DAB1: variants seen among roughly 807,000 people sequenced by gnomAD.
DAB1 encodes disabled homolog 1.
DAB1 carries 15 observed loss-of-function variants against 64.6 expected under a neutral mutation model. That is an observed-to-expected ratio of 0.23 (90% CI 0.16 to 0.36). The LOEUF (loss-of-function observed/expected upper bound fraction) is 0.36. DAB1 is among the 10% of genes least tolerant of loss of function. The probability of loss-of-function intolerance (pLI) is 1.00; values close to 1 mark genes in which losing one functional copy is unlikely to be tolerated. For missense variants in DAB1, 596 were observed against 706.7 expected (o/e 0.84, Z 1.78); for synonymous variants, 235 against 251.9 (o/e 0.93, Z 0.64).
intron 2 of DAB1, among the ~76,000 whole-genome samples, chr1:57,216,230 T>A (rs1666419931): frequency 6.6e-6 from 1 of 152,076 alleles, no homozygotes; most frequent in Non-Finnish European, 1.5e-5. Flanking sequence ...CCTTATCTGA[T>A]CCTTTCGGCC....
At chr1:57,046,297 G>A (rs1034769536) in intron 9 of DAB1, among the ~76,000 whole-genome samples, 7 of 152,298 alleles carry the variant, frequency 4.6e-5, no homozygotes, top group Non-Finnish European at 8.8e-5. Flanking sequence ...CCTAGTAAGC[G>A]CTCAGCAAAT....
chr1:58,174,186 A>C (rs908721077), intron 4 of DAB1, among the ~76,000 whole-genome samples: 3 of 152,174 alleles, frequency 2.0e-5, no homozygotes, highest in African/African-American at 7.2e-5. Flanking sequence ...ATGAAATGTC[A>C]CCTGGCATTT....
At chr1:57,787,066 T>C (rs1044226912) in intron 6 of DAB1, among the ~76,000 whole-genome samples, 1 of 152,144 alleles carries the variant, frequency 6.6e-6, no homozygotes, top group African/African-American at 2.4e-5. Context: ...GAAAACTCAA[T>C]ATATTAACAT....
chr1:57,922,661 T>C (rs1336938276), intron 5 of DAB1, among the ~76,000 whole-genome samples: 2 of 151,716 alleles, frequency 1.3e-5, no homozygotes, highest in African/African-American at 4.8e-5. Flanking sequence ...AGAAAAGTTT[T>C]AGTGAAACCC....
At chr1:58,494,901 C>T (rs1411845119) in intron 3 of DAB1, among the ~76,000 whole-genome samples, 4 of 152,178 alleles carry the variant, frequency 2.6e-5, no homozygotes, top group Admixed American at 2.0e-4. Context: ...CCATTTGACC[C>T]AGCCATCGCA....
chr1:57,459,662 G>C (rs568225091), intron 7 of DAB1, among the ~76,000 whole-genome samples: 3 of 152,050 alleles, frequency 2.0e-5, no homozygotes, highest in Non-Finnish European at 4.4e-5. Flanking sequence ...ATTTACAGAG[G>C]AAGAAACAGA....
intron 9 of DAB1, among the ~76,000 whole-genome samples, chr1:57,048,528 C>A (rs964792959): frequency 6.6e-6 from 1 of 152,192 alleles, no homozygotes; most frequent in Admixed American, 6.5e-5. Context: ...TGGGAAATAA[C>A]CTGAAAAACG....
At chr1:57,551,895 T>G (rs1476387200) in intron 7 of DAB1, among the ~76,000 whole-genome samples, 1 of 152,184 alleles carries the variant, frequency 6.6e-6, no homozygotes, top group African/African-American at 2.4e-5. Flanking sequence ...AGCCATGTGC[T>G]AGGGTTATGT....
intron 6 of DAB1, among the ~76,000 whole-genome samples, chr1:57,809,749 C>T (rs916418396): frequency 1.3e-5 from 2 of 152,026 alleles, no homozygotes; most frequent in Non-Finnish European, 2.9e-5. Flanking sequence ...CAAAAATCTA[C>T]GATCACGCAG....
At chr1:57,953,560 C>T (rs1032917261) in intron 5 of DAB1, among the ~76,000 whole-genome samples, 1 of 152,148 alleles carries the variant, frequency 6.6e-6, no homozygotes, top group African/African-American at 2.4e-5. Context: ...ATCTTTTGTG[C>T]CAAAGGGAGC....
intron 6 of DAB1, among the ~76,000 whole-genome samples, chr1:57,695,352 GAAAAGAAA>G (rs1276599593): frequency 2.5e-4 from 13 of 53,010 alleles, no homozygotes; most frequent in African/African-American, 6.0e-4. Flanking sequence ...AAGAAAGAAA[GAAAAGAAA>G]GAAGAAAGAA....
At chr1:58,237,042 A>AAATCAGT (rs56981852) in intron 4 of DAB1, among the ~76,000 whole-genome samples, 94,614 of 151,238 alleles carry the variant, frequency 0.63, 30,302 homozygotes, top group African/African-American at 0.69. Context: ...TATTTCCACA[A>AAATCAGT]AATAAAAAAT....
chr1:57,548,614 A>C (rs1644880904), intron 7 of DAB1, among the ~76,000 whole-genome samples: 1 of 152,192 alleles, frequency 6.6e-6, no homozygotes, highest in African/African-American at 2.4e-5. Flanking sequence ...ATGAGGACTT[A>C]ACAGTATTTT....
chr1:58,074,568 A>ATATATATATATATATATATATATG (rs1649514564), intron 5 of DAB1: 1 of 31,098 alleles, frequency 3.2e-5, no homozygotes, highest in African/African-American at 7.8e-5. Context: ...ATGTGTGTAT[A>ATATATATATATATATATATATATG]TATATATATA....
At chr1:58,018,460 T>C (rs998150593) in intron 5 of DAB1, among the ~76,000 whole-genome samples, 13 of 152,172 alleles carry the variant, frequency 8.5e-5, no homozygotes, top group Non-Finnish European at 1.5e-4. Flanking sequence ...CTGTATGTAA[T>C]AGGCTTTGAG....
intron 6 of DAB1, among the ~76,000 whole-genome samples, chr1:57,747,792 G>A (rs1328941106): frequency 8.5e-6 from 1 of 118,276 alleles, no homozygotes; most frequent in Non-Finnish European, 1.6e-5. Context: ...CTGGGCGACA[G>A]AGGAGGACTC....
At chr1:57,301,754 T>TG (rs1348471852) in intron 1 of DAB1, among the ~76,000 whole-genome samples, 2 of 152,202 alleles carry the variant, frequency 1.3e-5, no homozygotes, top group African/African-American at 2.4e-5. Flanking sequence ...GTGCAACAGA[T>TG]GACCCCAAGC....
intron 6 of DAB1, among the ~76,000 whole-genome samples, chr1:57,777,090 C>CTT (rs796627429): frequency 9.0e-6 from 1 of 111,642 alleles, no homozygotes; most frequent in Non-Finnish European, 1.9e-5. Flanking sequence ...AGGTTGACAG[C>CTT]TTTTTTTTTT....
At chr1:58,002,242 C>A (rs151082467) in intron 5 of DAB1, among the ~76,000 whole-genome samples, 1 of 152,148 alleles carries the variant, frequency 6.6e-6, no homozygotes, top group Admixed American at 6.5e-5. Context: ...AGTTTTTGGA[C>A]GGTCCCTCTG....
Sources: gnomAD v4.1 joint callset for allele counts (sites outside exome capture counted in the v4.1 genomes callset) on GRCh38, gnomAD v4.1.1 for gene constraint, MANE v1.5 for transcripts, NCBI Gene and HGNC (gene_info 2026-07-23, HGNC 2026-07-21) for gene names.